The following ADCY5 variants were observed in gnomAD, a reference collection of about 807,000 sequenced individuals.
ADCY5 encodes the protein adenylate cyclase type 5.
In ADCY5, 30 loss-of-function variants were observed where a neutral mutation model predicts 119.7. The ratio of observed to expected loss-of-function variants is 0.25; its 90% CI spans 0.19 to 0.34. The LOEUF (loss-of-function observed/expected upper bound fraction) is 0.34. ADCY5 is among the 10% of genes least tolerant of loss of function. ADCY5 has a pLI of 1.00. For missense variants in ADCY5, 1,324 were observed against 1,775.2 expected (o/e 0.75, Z 4.57); for synonymous variants, 753 against 762.2 (o/e 0.99, Z 0.20).
At chr3:123,368,455 G>A (rs940436149) in intron 1 of ADCY5, among the ~76,000 whole-genome samples, 2 of 152,162 alleles carry the variant, frequency 1.3e-5, no homozygotes, top group African/African-American at 4.8e-5. Context: ...AAATTAGCTG[G>A]GCATGGCGGT....
rs530227574 is a variant in ADCY5, at chr3:123,338,535, A to G, written c.1407-5860T>C. 1.1e-4 allele frequency among the ~76,000 whole-genome samples: 16 copies of G among 152,278 alleles called. No homozygotes were observed. In the South Asian group the frequency reaches 3.1e-3, roughly 30 times the overall value. ...AACTCTGAAGGCCATTTCCCAACTC[A>G]GCGCTGGCCCAGACGTGCAGGAAGG... On this transcript the variant is annotated intron_variant, in intron 3 of 20. Coordinates refer to ENST00000462833, the MANE Select transcript of ADCY5 (RefSeq NM_183357.3).
chr3:123,409,469 C>A (rs1559867798), intron 1 of ADCY5, among the ~76,000 whole-genome samples: 2 of 152,204 alleles, frequency 1.3e-5, no homozygotes, highest in Non-Finnish European at 2.9e-5. Context: ...AGGTGGGATG[C>A]AGCTTTCACA....
In ADCY5 at chr3:123,435,201, T is replaced by C. The variant is rs574822443; in HGVS notation, c.1134+12211A>G. Among the ~76,000 whole-genome samples the C allele has an allele frequency of 2.6e-5, 4 of 152,186 alleles. No individual in the cohort carries two copies. In the South Asian group the frequency reaches 8.3e-4, roughly 32 times the overall value. ...TTGGGAGGCTGAGATGGAAGAATCA[T>C]CTGAGCTCAAGGAGGTCAAGGCTGC... On this transcript the variant is annotated intron_variant, in intron 1 of 20. Transcript: ENST00000462833.
intron 17 of ADCY5, among the ~76,000 whole-genome samples, 155 bp from the exon 18 acceptor site, chr3:123,291,531 T>C (rs1939150685): frequency 1.3e-5 from 2 of 152,214 alleles, no homozygotes; most frequent in African/African-American, 4.8e-5. Context: ...TCTCTCCTCC[T>C]CTCTCTGCTG....
At chr3:123,436,665 C>T (rs554676692) in intron 1 of ADCY5, among the ~76,000 whole-genome samples, 17 of 152,268 alleles carry the variant, frequency 1.1e-4, no homozygotes, top group Admixed American at 7.2e-4. Flanking sequence ...AAGATCATGC[C>T]ACTGCACTCC....
chr3:123,372,651 G>C (rs1029194841), intron 1 of ADCY5, among the ~76,000 whole-genome samples: 26 of 152,166 alleles, frequency 1.7e-4, no homozygotes, highest in African/African-American at 5.5e-4. Context: ...ACCACTGGGT[G>C]CCTGTGCCCC....
At chr3:123,329,087 A>G (rs993211193) in intron 5 of ADCY5, among the ~76,000 whole-genome samples, 2 of 152,222 alleles carry the variant, frequency 1.3e-5, no homozygotes, top group Non-Finnish European at 2.9e-5. Context: ...ACCTCTGGCC[A>G]GCACTGCCCT....
At chr3:123,326,672 G>A (rs1288721991) in intron 7 of ADCY5, among the ~76,000 whole-genome samples, 1 of 152,114 alleles carries the variant, frequency 6.6e-6, no homozygotes, top group African/African-American at 2.4e-5. Flanking sequence ...GTCCCCACAG[G>A]GCCCTGAATC....
chr3:123,379,598 G>C (rs749955152), intron 1 of ADCY5, among the ~76,000 whole-genome samples: 1 of 152,104 alleles, frequency 6.6e-6, no homozygotes, highest in African/African-American at 2.4e-5. Context: ...TGGGAAGGGA[G>C]AGAGGAGGTG....
chr3:123,403,061 T>C (rs1051050583), intron 1 of ADCY5, among the ~76,000 whole-genome samples: 2 of 152,012 alleles, frequency 1.3e-5, no homozygotes, highest in African/African-American at 4.8e-5. Context: ...GTCCTCTGCA[T>C]CTTGCAATGT....
intron 3 of ADCY5, among the ~76,000 whole-genome samples, chr3:123,345,761 G>GACACACACAC (rs1491583420): frequency 3.1e-3 from 113 of 36,012 alleles, no homozygotes; most frequent in African/African-American, 0.011. Flanking sequence ...CAGACAGACA[G>GACACACACAC]ACAGACAGAC....
chr3:123,391,792 T>C (rs1257195322), intron 1 of ADCY5, among the ~76,000 whole-genome samples: 2 of 152,168 alleles, frequency 1.3e-5, no homozygotes, highest in Non-Finnish European at 2.9e-5. Flanking sequence ...GTGGGCCACA[T>C]CTGAATGACT....
At chr3:123,285,102 G>T (rs1014272762) in intron 20 of ADCY5, among the ~76,000 whole-genome samples, 7 of 152,208 alleles carry the variant, frequency 4.6e-5, no homozygotes, top group African/African-American at 1.7e-4. Context: ...TGACCTGGCT[G>T]CAGCCCGTCT....
intron 1 of ADCY5, among the ~76,000 whole-genome samples, chr3:123,428,617 C>T (rs937590926): frequency 1.3e-5 from 2 of 152,216 alleles, no homozygotes; most frequent in Non-Finnish European, 2.9e-5. Context: ...AACATAGAAA[C>T]TTCTGTCTCT....
rs1938601156 is a variant in ADCY5, at chr3:123,284,559, T to C, written c.*49A>G. 1 of 1,610,196 alleles carries C rather than the reference T, an allele frequency of 6.2e-7. No individual in the cohort carries two copies. The highest frequency in any genetic ancestry group is 8.5e-7 in the Non-Finnish European group (1 of 1,177,186). The stretch of plus-strand genomic sequence containing the variant: ...CACCCCCGGCACACAGAGAAGCTGC[T>C]TCCATGCCTCTGGAGGCCAGGCTGC... On this transcript the variant is annotated 3_prime_UTR_variant, in exon 21 of 21. Coordinates refer to ENST00000462833, the MANE Select transcript of ADCY5 (RefSeq NM_183357.3).
intron 6 of ADCY5, among the ~76,000 whole-genome samples, chr3:123,328,159 G>A (rs192598197): frequency 7.2e-5 from 11 of 152,278 alleles, no homozygotes; most frequent in South Asian, 2.1e-4. Context: ...TCTCCTAGCC[G>A]TCCCTAAAAG....
In ADCY5 at chr3:123,282,997, A is replaced by AAAAT. The variant is rs1463379092; in HGVS notation, c.*1607_*1610dup. 1 of 152,216 alleles carries AAAAT rather than the reference A, an allele frequency of 6.6e-6. No homozygotes were observed. The highest frequency in any genetic ancestry group is 2.1e-4 in the South Asian group (1 of 4,820). 9.4% of individuals were successfully genotyped at this position (152,216 alleles called of 1,614,324 possible). A position where few individuals can be genotyped will look rare whatever the true frequency, so the allele number is the denominator to read the frequency against. ...CCAAATGTCTTCCTCATAGGTTATA[A>AAAAT]AAATAGTATTTTTTTCTTGGTATGT... On this transcript the variant is annotated 3_prime_UTR_variant, in exon 21 of 21. Transcript: ENST00000462833.
intron 1 of ADCY5, among the ~76,000 whole-genome samples, chr3:123,401,824 C>T (rs989177937): frequency 6.6e-6 from 1 of 152,128 alleles, no homozygotes; most frequent in African/African-American, 2.4e-5. Flanking sequence ...ACCTAAAAAC[C>T]CGGCCTGTCT....
At chr3:123,410,145 C>A (rs894919980) in intron 1 of ADCY5, among the ~76,000 whole-genome samples, 1 of 152,198 alleles carries the variant, frequency 6.6e-6, no homozygotes, top group Non-Finnish European at 1.5e-5. Context: ...GCCCTCAGGG[C>A]CTCCACCAGA....
Sources: allele counts gnomAD v4.1 joint callset (sites outside exome capture counted in the v4.1 genomes callset), GRCh38; gene constraint gnomAD v4.1.1; transcripts MANE v1.5; gene names NCBI Gene and HGNC (gene_info 2026-07-23, HGNC 2026-07-21).